The following TSHZ2 variants were observed in gnomAD, a reference collection of about 807,000 sequenced individuals.
TSHZ2 encodes teashirt zinc finger homeobox 2.
In TSHZ2, 21 loss-of-function variants were observed where a neutral mutation model predicts 74.4. The ratio of observed to expected loss-of-function variants is 0.28; its 90% confidence interval spans 0.20 to 0.41. The LOEUF is 0.41. Among genes scored for constraint, TSHZ2 ranks in the 10% least tolerant of loss-of-function variants. The probability of loss-of-function intolerance (pLI) is 1.00; values close to 1 mark genes in which losing one functional copy is unlikely to be tolerated. For synonymous variants in TSHZ2, 540 were observed against 515.3 expected (o/e 1.05, Z -0.65); for missense variants, 1,244 against 1,293.5 (o/e 0.96, Z 0.59).
At chr20:53,223,577 G>A (rs1026599515) in intron 1 of TSHZ2, among the ~76,000 whole-genome samples, 3 of 152,000 alleles carry the variant, frequency 2.0e-5, no homozygotes, top group African/African-American at 7.3e-5. Flanking sequence ...ATTTCTTTTT[G>A]TAGAGACAGG....
At chr20:53,266,287 G>C (rs1267529576) in intron 2 of TSHZ2, among the ~76,000 whole-genome samples, 3 of 152,166 alleles carry the variant, frequency 2.0e-5, no homozygotes, top group African/African-American at 7.2e-5. Flanking sequence ...CATGAAAAGA[G>C]AATAACAGAA....
At chr20:53,457,139 T>C (rs1985123631) in intron 2 of TSHZ2, among the ~76,000 whole-genome samples, 1 of 132,200 alleles carries the variant, frequency 7.6e-6, no homozygotes, top group Non-Finnish European at 1.6e-5. Flanking sequence ...ATCTGTAAAT[T>C]ACCTTGGGCA....
At chr20:53,137,745 A>T (rs1987283581) in intron 1 of TSHZ2, among the ~76,000 whole-genome samples, 1 of 152,194 alleles carries the variant, frequency 6.6e-6, no homozygotes. Context: ...TATTGGCAAC[A>T]GGAGCATCTT....
intron 1 of TSHZ2, among the ~76,000 whole-genome samples, chr20:53,175,843 C>T (rs1254712822): frequency 6.6e-6 from 1 of 152,234 alleles, no homozygotes; most frequent in Non-Finnish European, 1.5e-5. Context: ...ATTCATTCAG[C>T]TAAACTTTAC....
chr20:53,447,339 G>A (rs62206372), intron 2 of TSHZ2, among the ~76,000 whole-genome samples: 3,784 of 152,268 alleles, frequency 0.025, 72 homozygotes, highest in Non-Finnish European at 0.037. Flanking sequence ...AAATCCCATG[G>A]AAATGTGTCT....
At chr20:53,307,220 C>G (rs904974641) in intron 2 of TSHZ2, among the ~76,000 whole-genome samples, 1 of 152,160 alleles carries the variant, frequency 6.6e-6, no homozygotes, top group African/African-American at 2.4e-5. Context: ...ACTTGATTCC[C>G]AAACCTCCCC....
chr20:53,196,097 A>G (rs1215645191), intron 1 of TSHZ2: 1 of 152,292 alleles, frequency 6.6e-6, no homozygotes, highest in Non-Finnish European at 1.5e-5. Context: ...ACTGACTGCC[A>G]TTTGAATTCC....
chr20:53,000,408 G>A (rs1451699805), intron 1 of TSHZ2, among the ~76,000 whole-genome samples: 1 of 152,258 alleles, frequency 6.6e-6, no homozygotes, highest in East Asian at 1.9e-4. Flanking sequence ...ACAGTCATAT[G>A]AGTGATTGTT....
chr20:53,294,027 GATAA>G (rs1053655078), intron 2 of TSHZ2, among the ~76,000 whole-genome samples: 1 of 151,960 alleles, frequency 6.6e-6, no homozygotes, highest in African/African-American at 2.4e-5. Context: ...AAAAAAAATA[GATAA>G]ATAAAATAAA....
chr20:53,238,807 A>G lies in TSHZ2; in HGVS notation c.41-14692A>G, dbSNP rs566813335. On this transcript the variant is annotated intron_variant, in intron 1 of 2. Coordinates refer to ENST00000371497, the MANE Select transcript of TSHZ2 (RefSeq NM_173485.6). ...TATACAGCCTGGACCTTATGATGCTATAAGTCAGTCCCAAGTCAATCTTAT... is the reference window on the plus strand; with the variant it reads ...TATACAGCCTGGACCTTATGATGCTGTAAGTCAGTCCCAAGTCAATCTTAT... Among the ~76,000 whole-genome samples, 181 of 146,298 alleles carry G rather than the reference A, an allele frequency of 1.2e-3. No individual in the cohort carries two copies. The Middle Eastern group carries it at 0.021, about 17-fold the overall frequency.
At chr20:53,346,505 G>A (rs1156654844) in intron 2 of TSHZ2, among the ~76,000 whole-genome samples, 1 of 152,130 alleles carries the variant, frequency 6.6e-6, no homozygotes, top group Non-Finnish European at 1.5e-5. Flanking sequence ...TGATCTCTCC[G>A]ATAAAGACAG....
chr20:53,374,235 C>T (rs1297242785), intron 2 of TSHZ2, among the ~76,000 whole-genome samples: 1 of 152,076 alleles, frequency 6.6e-6, no homozygotes, highest in Non-Finnish European at 1.5e-5. Flanking sequence ...TATGAGAACA[C>T]ATGGTATTGG....
chr20:53,053,665 C>G lies in TSHZ2; in HGVS notation c.40+80332C>G, dbSNP rs118092478. Among the ~76,000 whole-genome samples, 4 of 151,820 alleles carry G rather than the reference C, an allele frequency of 2.6e-5. No individual in the cohort carries two copies. In the East Asian group the frequency reaches 5.8e-4, roughly 22 times the overall value. ...GGAAATCAATAGGAGGGATAACAAC[C>G]GATTATACTATGAGAAAGAAAATTT... On this transcript the variant is annotated intron_variant, in intron 1 of 2. Transcript: ENST00000371497.
At chr20:53,419,961 C>T (rs1983408336) in intron 2 of TSHZ2, among the ~76,000 whole-genome samples, 3 of 152,216 alleles carry the variant, frequency 2.0e-5, no homozygotes, top group Non-Finnish European at 4.4e-5. Context: ...TGTCACTTAG[C>T]CCCTCTCTGT....
At chr20:53,170,487 C>T (rs1021608230) in intron 1 of TSHZ2, among the ~76,000 whole-genome samples, 7 of 152,198 alleles carry the variant, frequency 4.6e-5, no homozygotes, top group African/African-American at 1.2e-4. Flanking sequence ...ACAACCTTGA[C>T]GCTATTGAAC....
intron 2 of TSHZ2, among the ~76,000 whole-genome samples, chr20:53,258,133 A>G (rs1990521079): frequency 6.6e-6 from 1 of 152,212 alleles, no homozygotes; most frequent in Non-Finnish European, 1.5e-5. Context: ...GACCCAAATG[A>G]AGACTATCTT....
intron 1 of TSHZ2, among the ~76,000 whole-genome samples, chr20:53,008,220 G>T (rs1982716986): frequency 6.6e-6 from 1 of 152,184 alleles, no homozygotes; most frequent in Admixed American, 6.5e-5. Context: ...AACACTGGAT[G>T]GAAAGAGGAG....
chr20:53,033,560 G>C (rs937389970), intron 1 of TSHZ2, among the ~76,000 whole-genome samples: 1 of 151,314 alleles, frequency 6.6e-6, no homozygotes, highest in Admixed American at 6.6e-5. Flanking sequence ...AAGGGCCTAG[G>C]TCAGTGGCTG....
intron 1 of TSHZ2, among the ~76,000 whole-genome samples, chr20:52,980,429 A>AG (rs1357060838): frequency 6.7e-6 from 1 of 149,156 alleles, no homozygotes; most frequent in Non-Finnish European, 1.5e-5. Flanking sequence ...GGTTTGAAGA[A>AG]AAAAAAAAAA....
Sources: allele counts gnomAD v4.1 joint callset (sites outside exome capture counted in the v4.1 genomes callset), GRCh38; gene constraint gnomAD v4.1.1; transcripts MANE v1.5; gene names NCBI Gene and HGNC (gene_info 2026-07-23, HGNC 2026-07-21).